The following PAM variants were observed in gnomAD, a reference collection of about 807,000 sequenced individuals.
PAM encodes the protein peptidylglycine alpha-amidating monooxygenase, also known as peptidyl-glycine alpha-amidating monooxygenase.
Under a neutral mutation model 122.1 loss-of-function variants are expected in PAM, and 72 were observed. That is an observed-to-expected ratio of 0.59 (90% CI 0.49 to 0.72). PAM has a LOEUF of 0.72. Ranked by LOEUF, PAM falls within the 30% of genes least tolerant of loss-of-function variation. The pLI, the probability that PAM is intolerant of heterozygous loss-of-function variation, is 0.00. For synonymous variants in PAM, 389 were observed against 404.4 expected (o/e 0.96, Z 0.46); for missense variants, 1,106 against 1,183.7 (o/e 0.93, Z 0.96).
intron 1 of PAM, among the ~76,000 whole-genome samples, chr5:102,864,182 A>ATTT (rs200858151): frequency 3.6e-5 from 5 of 137,604 alleles, no homozygotes; most frequent in African/African-American, 1.5e-4. Flanking sequence ...ATATATATAT[A>ATTT]TATTTTTTTT....
At chr5:102,767,173 A>G (rs1371212175) in intron 1 of PAM, among the ~76,000 whole-genome samples, 2 of 151,654 alleles carry the variant, frequency 1.3e-5, no homozygotes, top group Non-Finnish European at 2.9e-5. Context: ...CTTTTCTCTT[A>G]GAATTAAAAC....
rs748346231 is a variant in PAM at position 102,961,227 on chromosome 5, A to G, written c.1160A>G (p.Gln387Arg). 6 of 1,533,112 alleles carry G rather than the reference A, an allele frequency of 3.9e-6. No homozygotes were observed. The highest frequency in any genetic ancestry group is 2.3e-5 in the East Asian group (1 of 44,304). The allele number at this position is 1,533,112 out of a possible 1,614,324, so 95.0% of individuals were successfully genotyped here. The change falls in exon 14 of 26, where the codon CAG becomes CGG. Residue 387 changes from glutamine (Q) to arginine (R), a missense_variant and splice_region_variant. By Grantham distance (43) the Gln-to-Arg change is conservative. Transcript: ENST00000438793. ...PKREEEEVLDQGDFYSLLSKL... is the reference protein window; with the variant it reads ...PKREEEEVLDRGDFYSLLSKL... ...CGAGAAGAAGAAGAAGTGTTAGACCAGGGTATGTATGCTTATTTCTATAAC... is the reference window on the plus strand; with the variant it reads ...CGAGAAGAAGAAGAAGTGTTAGACCGGGGTATGTATGCTTATTTCTATAAC...
chr5:102,796,297 A>G (rs1317789886), intron 1 of PAM, among the ~76,000 whole-genome samples: 1 of 152,180 alleles, frequency 6.6e-6, no homozygotes, highest in East Asian at 1.9e-4. Flanking sequence ...TTGTCGGTCA[A>G]TAGTCTAGGA....
At position 102,809,780 on chromosome 5, in the gene PAM, A is replaced by T. The variant is rs539139185; in HGVS notation, c.-374+54432A>T. Among the ~76,000 whole-genome samples, 326 of 152,352 alleles carry T rather than the reference A, an allele frequency of 2.1e-3. 1 individual carries two copies. Among genetic ancestry groups the T allele is most frequent in the African/African-American group, 7.5e-3 (311 of 41,584 alleles). On this transcript the variant is annotated intron_variant, in intron 1 of 25. Transcript: ENST00000438793. The stretch of plus-strand genomic sequence containing the variant: ...ATTTAAATTTAATTGCTTTTAAGTG[A>T]AGGATATGTCTTATCTTAAATATCG...
chr5:103,024,484 T>G (rs532448244), intron 23 of PAM, among the ~76,000 whole-genome samples: 1 of 152,250 alleles, frequency 6.6e-6, no homozygotes, highest in South Asian at 2.1e-4. Context: ...TAAAAGAGCC[T>G]GAAAAGCACA....
chr5:102,997,679 T>A (rs1455820763), intron 16 of PAM, among the ~76,000 whole-genome samples: 1 of 152,222 alleles, frequency 6.6e-6, no homozygotes, highest in Non-Finnish European at 1.5e-5. Flanking sequence ...AATTAGATGA[T>A]CCTCAAATTA....
At chr5:102,893,850 TCCTTA>T (rs1795418344) in intron 3 of PAM, among the ~76,000 whole-genome samples, 1 of 151,848 alleles carries the variant, frequency 6.6e-6, no homozygotes, top group Admixed American at 6.6e-5. Flanking sequence ...TAAATAATTT[TCCTTA>T]CCTTATTTTA....
At chr5:102,873,836 C>T (rs190256292) in intron 3 of PAM, 3 of 152,080 alleles carry the variant, frequency 2.0e-5, no homozygotes, top group African/African-American at 4.8e-5. Context: ...GAATATGAGT[C>T]GTGGCTTTTA....
intron 7 of PAM, among the ~76,000 whole-genome samples, chr5:102,928,954 A>T (rs114967870): frequency 1.8e-3 from 272 of 152,210 alleles, no homozygotes; most frequent in African/African-American, 6.2e-3. Flanking sequence ...GGTTAAATAA[A>T]TGGTATAACA....
chr5:102,804,458 CTGGAT>C lies in PAM; in HGVS notation c.-374+49112_-374+49116del, dbSNP rs1765689714. Among the ~76,000 whole-genome samples, 4 of 152,128 alleles carry C rather than the reference CTGGAT, an allele frequency of 2.6e-5. No individual in the cohort carries two copies. In the East Asian group the frequency reaches 7.7e-4, roughly 29 times the overall value. ...AGGATCAGGGAAATTTGGTTGCTAA[CTGGAT>C]TTAAGGGTGATGGGGAGTTACAACC... On this transcript the variant is annotated intron_variant, in intron 1 of 25. Coordinates refer to ENST00000438793, the MANE Select transcript of PAM (RefSeq NM_001177306.2).
chr5:103,005,432 G>T (rs1778663192), intron 18 of PAM, among the ~76,000 whole-genome samples: 1 of 152,142 alleles, frequency 6.6e-6, no homozygotes, highest in Admixed American at 6.5e-5. Flanking sequence ...ACAGAAATTT[G>T]TTTCTCACAG....
At chr5:102,830,046 A>T (rs1462156845) in intron 1 of PAM, among the ~76,000 whole-genome samples, 1 of 152,192 alleles carries the variant, frequency 6.6e-6, no homozygotes. Flanking sequence ...TTGGGGGTCT[A>T]CCTGCTCTAG....
intron 14 of PAM, among the ~76,000 whole-genome samples, chr5:102,963,179 G>A (rs1763019411): frequency 6.6e-6 from 1 of 151,860 alleles, no homozygotes; most frequent in Non-Finnish European, 1.5e-5. Context: ...GATCCTACCA[G>A]TCTATGGGGA....
At chr5:102,947,311 G>T (rs1757374475) in intron 8 of PAM, among the ~76,000 whole-genome samples, 1 of 152,132 alleles carries the variant, frequency 6.6e-6, no homozygotes, top group Admixed American at 6.6e-5. Context: ...GGAAGAGAGG[G>T]CATGCATGCA....
At position 102,867,332 on chromosome 5, in the gene PAM, T is replaced by C. The variant is rs772566153; in HGVS notation, c.149T>C (p.Val50Ala). The C allele has an allele frequency of 1.1e-5, 17 of 1,603,382 alleles. No homozygotes were observed. The highest frequency in any genetic ancestry group is 1.7e-4 in the Middle Eastern group (1 of 6,052). The change falls in exon 3 of 26, where the codon GTT (valine) becomes GCT (alanine). Residue 50 changes from valine to alanine, a missense_variant. Val to Ala is a moderately conservative substitution (Grantham distance 64). Transcript: ENST00000438793. The part of the protein sequence containing the change: ...NECLGTTRPV[V>A]PIDSSDFALD... ...TGTCTTGGTACCACCAGACCCGTAG[T>C]TCCTATTGATTCATCAGATTTTGCA...
chr5:102,822,255 C>A (rs1313517233), intron 1 of PAM, among the ~76,000 whole-genome samples: 1 of 152,052 alleles, frequency 6.6e-6, no homozygotes, highest in Non-Finnish European at 1.5e-5. Context: ...AATTTGTATT[C>A]ATTTGCTCAT....
In PAM at chr5:102,939,122, T is replaced by C. The variant is rs139935128; in HGVS notation, c.527-7715T>C. On this transcript the variant is annotated intron_variant, in intron 7 of 25. Transcript: ENST00000438793. ...ATGAAAACCATTCAAATATAATGTT[T>C]AATAATATGGACAGAATATTCTATT... Among the ~76,000 whole-genome samples the C allele has an allele frequency of 5.1e-3, 775 of 152,286 alleles. 7 individuals carry two copies. Among genetic ancestry groups the C allele is most frequent in the African/African-American group, 0.018 (742 of 41,582 alleles).
intron 4 of PAM, among the ~76,000 whole-genome samples, chr5:102,905,002 G>A (rs762906430): frequency 1.3e-5 from 2 of 151,560 alleles, no homozygotes; most frequent in Non-Finnish European, 3.0e-5. Context: ...TATTGAATGT[G>A]AATTACAGTA....
At chr5:102,825,496 A>G (rs1404478985) in intron 1 of PAM, among the ~76,000 whole-genome samples, 2 of 152,196 alleles carry the variant, frequency 1.3e-5, no homozygotes, top group East Asian at 3.9e-4. Context: ...TTTAATGTCA[A>G]CATGCGATGC....
Sources: allele counts gnomAD v4.1 joint callset (sites outside exome capture counted in the v4.1 genomes callset), GRCh38; gene constraint gnomAD v4.1.1; transcripts MANE v1.5; gene names NCBI Gene and HGNC (gene_info 2026-07-23, HGNC 2026-07-21).